The following NAALADL2 variants were observed in gnomAD, a reference collection of about 807,000 sequenced individuals.
NAALADL2 encodes inactive N-acetylated-alpha-linked acidic dipeptidase-like protein 2.
A neutral mutation model predicts 87.2 loss-of-function variants in NAALADL2; 76 were observed. The ratio of observed to expected loss-of-function variants is 0.87; its 90% CI spans 0.72 to 1.05. The LOEUF is 1.05. NAALADL2 is among the 50% of genes least tolerant of loss of function. The pLI is 0.00. For synonymous variants in NAALADL2, 354 were observed against 331.0 expected (o/e 1.07, Z -0.75); for missense variants, 1,089 against 945.8 (o/e 1.15, Z -1.99).
intron 13 of NAALADL2, chr3:175,775,229 G>A (rs1455757003): frequency 6.6e-6 from 1 of 151,946 alleles, no homozygotes; most frequent in Non-Finnish European, 1.5e-5. Flanking sequence ...GAGTCCATAG[G>A]AGTGAGTGTC....
chr3:175,125,695 C>T (rs1252213120), intron 2 of NAALADL2, among the ~76,000 whole-genome samples: 1 of 152,000 alleles, frequency 6.6e-6, no homozygotes, highest in African/African-American at 2.4e-5. Context: ...AGAATAGAAG[C>T]TGGTATCTGG....
chr3:174,772,755 G>A (rs900976505), intron 3 of NAALADL2, among the ~76,000 whole-genome samples: 1 of 152,092 alleles, frequency 6.6e-6, no homozygotes, highest in Non-Finnish European at 1.5e-5. Context: ...AAGTTAAGGT[G>A]GAAACACAAG....
intron 1 of NAALADL2, among the ~76,000 whole-genome samples, chr3:174,487,470 T>C (rs1018691895): frequency 2.6e-5 from 4 of 152,122 alleles, no homozygotes; most frequent in Middle Eastern, 3.4e-3. Context: ...AGGAGATTAG[T>C]TGAGTCCACA....
intron 2 of NAALADL2, among the ~76,000 whole-genome samples, chr3:175,129,939 A>G (rs974369629): frequency 6.6e-6 from 1 of 152,142 alleles, no homozygotes; most frequent in Non-Finnish European, 1.5e-5. Context: ...TCCCAACAAT[A>G]GTGTACTTTT....
At chr3:175,251,646 C>T (rs1364471657) in intron 3 of NAALADL2, among the ~76,000 whole-genome samples, 9 of 152,134 alleles carry the variant, frequency 5.9e-5, no homozygotes, top group African/African-American at 1.9e-4. Flanking sequence ...TTCATTGTAG[C>T]AACAAGAATA....
chr3:174,444,681 A>G (rs1714910428), intron 1 of NAALADL2, among the ~76,000 whole-genome samples: 1 of 152,274 alleles, frequency 6.6e-6, no homozygotes, highest in East Asian at 1.9e-4. Context: ...TAAGAATATT[A>G]CCGTTATTAT....
intron 9 of NAALADL2, among the ~76,000 whole-genome samples, chr3:175,521,725 T>G (rs1166163848): frequency 1.3e-5 from 2 of 152,084 alleles, no homozygotes; most frequent in Non-Finnish European, 2.9e-5. Context: ...TTCTACAAGC[T>G]AAGAAGTGCC....
chr3:175,650,994 T>G (rs1463394006), intron 11 of NAALADL2, among the ~76,000 whole-genome samples: 1 of 152,196 alleles, frequency 6.6e-6, no homozygotes, highest in African/African-American at 2.4e-5. Context: ...GTGGATGGCA[T>G]CACAAGGATT....
At chr3:175,054,291 C>T (rs925808299) in intron 1 of NAALADL2, among the ~76,000 whole-genome samples, 4 of 152,140 alleles carry the variant, frequency 2.6e-5, no homozygotes, top group African/African-American at 4.8e-5. Context: ...GGTTGTTTAC[C>T]GCTGGAATTG....
chr3:174,829,890 G>GT (rs1289255440), intron 3 of NAALADL2, among the ~76,000 whole-genome samples: 2 of 135,982 alleles, frequency 1.5e-5, no homozygotes, highest in African/African-American at 2.8e-5. Context: ...TTTTTCATGT[G>GT]TTTTTTGGCT....
chr3:175,592,074 T>C lies in NAALADL2; in HGVS notation c.1800+15887T>C, dbSNP rs567674249. On this transcript the variant is annotated intron_variant, in intron 10 of 13. Transcript: ENST00000454872. ...TGACTGCACTATAAATGCTATTCTT[T>C]CATAGTAATGTTCAGGGTCAGTTTC... is the stretch of plus-strand genomic sequence containing the variant. Among the ~76,000 whole-genome samples the C allele has an allele frequency of 3.3e-5, 5 of 152,100 alleles. No individual in the cohort carries two copies. In the South Asian group the frequency reaches 1.0e-3, roughly 32 times the overall value.
intron 2 of NAALADL2, among the ~76,000 whole-genome samples, chr3:175,148,657 A>G (rs1056709517): frequency 6.6e-6 from 1 of 152,194 alleles, no homozygotes; most frequent in Admixed American, 6.6e-5. Flanking sequence ...ATTCTTCTGC[A>G]TATGGCTAGA....
At position 174,965,238 on chromosome 3, in the gene NAALADL2, G is replaced by A. The variant is rs186509164; in HGVS notation, c.43+105788G>A. Among the ~76,000 whole-genome samples, 7 of 152,176 alleles carry A rather than the reference G, an allele frequency of 4.6e-5. No individual in the cohort carries two copies. The East Asian group carries it at 1.2e-3, about 25-fold the overall frequency. On this transcript the variant is annotated intron_variant, in intron 1 of 13. Transcript: ENST00000454872. The stretch of plus-strand genomic sequence containing the variant: ...CATTGGCGGGAGGCCACAATTCCTT[G>A]CACCTAAGCCTTTCCACAGTGCTGG...
intron 1 of NAALADL2, among the ~76,000 whole-genome samples, chr3:175,000,944 A>C (rs1354028058): frequency 6.6e-6 from 1 of 152,220 alleles, no homozygotes; most frequent in Non-Finnish European, 1.5e-5. Context: ...TGTTAATTGT[A>C]CTATATCACA....
chr3:175,503,747 A>G (rs1000938213), intron 9 of NAALADL2, among the ~76,000 whole-genome samples: 1 of 152,056 alleles, frequency 6.6e-6, no homozygotes, highest in Admixed American at 6.6e-5. Context: ...GTGTCTGTTC[A>G]TGTCCTTTGC....
intron 4 of NAALADL2, among the ~76,000 whole-genome samples, chr3:175,270,147 C>A (rs1408670279): frequency 1.3e-5 from 2 of 152,190 alleles, no homozygotes; most frequent in Non-Finnish European, 2.9e-5. Context: ...TTGCTTCCCC[C>A]ATGGGAGCTG....
intron 1 of NAALADL2, among the ~76,000 whole-genome samples, chr3:174,977,766 G>A (rs1480691132): frequency 6.6e-6 from 1 of 152,136 alleles, no homozygotes; most frequent in Non-Finnish European, 1.5e-5. Flanking sequence ...CCTATAAACA[G>A]GGATGACATT....
intron 2 of NAALADL2, among the ~76,000 whole-genome samples, chr3:175,219,100 A>G (rs1182897004): frequency 6.6e-6 from 1 of 152,152 alleles, no homozygotes; most frequent in Non-Finnish European, 1.5e-5. Flanking sequence ...ATATTATTCT[A>G]GTAAATGTCT....
At chr3:174,671,422 T>G (rs4611834) in intron 2 of NAALADL2, among the ~76,000 whole-genome samples, 96,971 of 151,808 alleles carry the variant, frequency 0.64, 31,698 homozygotes, top group Admixed American at 0.72. Flanking sequence ...TCACAGATAT[T>G]AGAAAAAACA....
Sources: gnomAD v4.1 joint callset for allele counts (sites outside exome capture counted in the v4.1 genomes callset) on GRCh38, gnomAD v4.1.1 for gene constraint, MANE v1.5 for transcripts, NCBI Gene and HGNC (gene_info 2026-07-23, HGNC 2026-07-21) for gene names.